LINC00305: variants seen among roughly 807,000 people sequenced by gnomAD.
LINC00305 encodes long independently transcribed non-coding RNA 305, also known as long intergenic non-protein coding RNA 305.
intron 1 of LINC00305, among the ~76,000 whole-genome samples, chr18:64,120,963 T>C (rs1599221566): frequency 6.6e-6 from 1 of 152,148 alleles, no homozygotes; most frequent in African/African-American, 2.4e-5. Context: ...AGATTACTCA[T>C]AGGCATGTGC....
chr18:64,110,771 C>G (rs1455300912), intron 1 of LINC00305, among the ~76,000 whole-genome samples: 1 of 152,150 alleles, frequency 6.6e-6, no homozygotes, highest in African/African-American at 2.4e-5. Context: ...AACAAAAGAG[C>G]CTTTGCTTTG....
At chr18:64,120,753 C>A (rs1244628047) in intron 1 of LINC00305, among the ~76,000 whole-genome samples, 1 of 152,094 alleles carries the variant, frequency 6.6e-6, no homozygotes, top group Non-Finnish European at 1.5e-5. Context: ...TGTAGTTTAG[C>A]TCAAAATATC....
intron 3 of LINC00305, among the ~76,000 whole-genome samples, chr18:64,086,554 A>G (rs1268921143): frequency 6.6e-6 from 1 of 152,238 alleles, no homozygotes; most frequent in Admixed American, 6.5e-5. Flanking sequence ...GATTCACTAA[A>G]GCTACCCATC....
chr18:64,116,972 C>A (rs551027217), intron 1 of LINC00305, among the ~76,000 whole-genome samples: 1 of 152,170 alleles, frequency 6.6e-6, no homozygotes, highest in East Asian at 1.9e-4. Flanking sequence ...ATTCACACAA[C>A]GGCATTTTTA....
chr18:64,086,397 C>G (rs907575225), intron 3 of LINC00305, among the ~76,000 whole-genome samples: 16 of 152,058 alleles, frequency 1.1e-4, no homozygotes, highest in African/African-American at 3.9e-4. Flanking sequence ...ACAGGAAAAA[C>G]AATATGGATA....
rs139590021 is a variant in LINC00305 at position 64,148,393 on chromosome 18, A to T, written n.314+382T>A. Among the ~76,000 whole-genome samples the T allele has an allele frequency of 2.2e-3, 215 of 99,558 alleles. No homozygotes were observed. The East Asian group carries it at 0.055, about 26-fold the overall frequency. 65.3% of individuals were successfully genotyped at this position (99,558 alleles called of 152,430 possible). Reference sequence around the variant, plus strand: ...GTTCAGATGTGTAAGCTTTGCTCCTAATAAGAAAAATGCATTTTTTTTTTT... The same window carrying T: ...GTTCAGATGTGTAAGCTTTGCTCCTTATAAGAAAAATGCATTTTTTTTTTT... On this transcript the variant is annotated intron_variant and non_coding_transcript_variant, in intron 1 of 3. Coordinates refer to ENST00000666468, the Ensembl canonical transcript of LINC00305.
rs368716544 is a variant in LINC00305 at position 64,108,135 on chromosome 18, A to G, written n.315-9495T>C. Among the ~76,000 whole-genome samples, 7 of 152,332 alleles carry G rather than the reference A, an allele frequency of 4.6e-5. 1 individual carries two copies. The highest frequency in any genetic ancestry group is 2.0e-4 in the Admixed American group (3 of 15,306). On this transcript the variant is annotated intron_variant and non_coding_transcript_variant, in intron 1 of 3. Coordinates refer to ENST00000666468, the Ensembl canonical transcript of LINC00305. The stretch of plus-strand genomic sequence containing the variant: ...GTTGAGAGACCACTGGCCTTAAGAA[A>G]AAAAATGGGGTTGCTGATTTCTGGA...
chr18:64,107,758 T>C (rs929049031), intron 1 of LINC00305, among the ~76,000 whole-genome samples: 1 of 152,190 alleles, frequency 6.6e-6, no homozygotes, highest in Admixed American at 6.5e-5. Context: ...ATGTATCTTA[T>C]AGGGTAGAGT....
intron 1 of LINC00305, among the ~76,000 whole-genome samples, chr18:64,129,979 C>CT (rs558611422): frequency 0.12 from 17,097 of 142,170 alleles, 1,171 homozygotes; most frequent in African/African-American, 0.2. Context: ...ATGTCATTTT[C>CT]TTTTTTTTTT....
At chr18:64,089,048 T>C (rs1000120664) in intron 3 of LINC00305, among the ~76,000 whole-genome samples, 1 of 152,070 alleles carries the variant, frequency 6.6e-6, no homozygotes, top group African/African-American at 2.4e-5. Context: ...GCAGGAGAAA[T>C]GAAGATACAG....
At chr18:64,134,824 A>G (rs1364641264) in intron 1 of LINC00305, among the ~76,000 whole-genome samples, 1 of 152,210 alleles carries the variant, frequency 6.6e-6, no homozygotes, top group Non-Finnish European at 1.5e-5. Context: ...TCGAGTTATA[A>G]ATTATGAGGT....
At chr18:64,147,299 A>T (rs1012628062) in intron 1 of LINC00305, 12 of 152,214 alleles carry the variant, frequency 7.9e-5, no homozygotes, top group African/African-American at 2.9e-4. Context: ...GCAACATAAG[A>T]ATTTTAGCCA....
Position 64,109,663 on chromosome 18 carries a change from A to G in LINC00305, n.315-11023T>C, listed in dbSNP as rs533042964. Among the ~76,000 whole-genome samples, 18 of 152,302 alleles carry G rather than the reference A, an allele frequency of 1.2e-4. No individual in the cohort carries two copies. In the Middle Eastern group the frequency reaches 0.01, roughly 86 times the overall value. On this transcript the variant is annotated intron_variant and non_coding_transcript_variant, in intron 1 of 3. Coordinates refer to ENST00000666468, the Ensembl canonical transcript of LINC00305. The stretch of plus-strand genomic sequence containing the variant: ...TTTTATCTATTACTTCATTAATCTT[A>G]ACAACAACTCTGGTAGACATAACTA...
chr18:64,105,581 C>T (rs1461202149), intron 1 of LINC00305, among the ~76,000 whole-genome samples: 2 of 152,078 alleles, frequency 1.3e-5, no homozygotes, highest in African/African-American at 2.4e-5. Context: ...TGTGTACGTG[C>T]ACGTGTGTGT....
intron 1 of LINC00305, among the ~76,000 whole-genome samples, chr18:64,110,320 TC>T (rs1443632084): frequency 2.0e-5 from 3 of 152,238 alleles, no homozygotes; most frequent in Non-Finnish European, 4.4e-5. Context: ...GTTGCATTTT[TC>T]TGAGAAAACT....
intron 3 of LINC00305, among the ~76,000 whole-genome samples, chr18:64,088,445 T>C (rs1200344757): frequency 6.6e-6 from 1 of 152,226 alleles, no homozygotes; most frequent in Non-Finnish European, 1.5e-5. Context: ...ATTTCCCACA[T>C]GTACAAAGAG....
At chr18:64,123,565 T>C (rs532219072) in intron 1 of LINC00305, among the ~76,000 whole-genome samples, 50 of 152,262 alleles carry the variant, frequency 3.3e-4, no homozygotes, top group Non-Finnish European at 5.6e-4. Flanking sequence ...ATATTCTACA[T>C]GCTTTTCTTC....
chr18:64,086,096 G>A (rs950559189), intron 3 of LINC00305, among the ~76,000 whole-genome samples: 3 of 152,200 alleles, frequency 2.0e-5, no homozygotes, highest in Non-Finnish European at 2.9e-5. Flanking sequence ...TGCACGCAAA[G>A]TTAGGATTGA....
chr18:64,143,791 TTATGCGTAC>T (rs2051483027), intron 1 of LINC00305, among the ~76,000 whole-genome samples: 1 of 99,364 alleles, frequency 1.0e-5, no homozygotes, highest in Non-Finnish European at 2.1e-5. Flanking sequence ...TGTACACATA[TTATGCGTAC>T]ATGTATGTAT....
Sources: allele counts gnomAD v4.1 joint callset (sites outside exome capture counted in the v4.1 genomes callset), GRCh38; gene constraint gnomAD v4.1.1; transcripts MANE v1.5; gene names NCBI Gene and HGNC (gene_info 2026-07-23, HGNC 2026-07-21).